The following XRN1 variants were observed in gnomAD, a reference collection of about 807,000 sequenced individuals.
XRN1 encodes the protein 5'-3' exoribonuclease 1.
Under a neutral mutation model 222.3 loss-of-function variants are expected in XRN1, and 67 were observed. The observed-to-expected ratio is 0.30, with a 90% confidence interval of 0.25 to 0.37. XRN1 has a LOEUF of 0.37. Among genes scored for constraint, XRN1 ranks in the 10% least tolerant of loss-of-function variants. XRN1 has a pLI of 1.00. For missense variants in XRN1, 1,707 were observed against 2,000.2 expected, an observed-to-expected ratio of 0.85 and a Z score of 2.80; for synonymous variants, 643 against 652.4, an observed-to-expected ratio of 0.99 and a Z score of 0.22.
intron 1 of XRN1, among the ~76,000 whole-genome samples, chr3:142,442,875 G>A (rs369007380): frequency 6.6e-6 from 1 of 151,448 alleles, no homozygotes; most frequent in Non-Finnish European, 1.5e-5. Flanking sequence ...CTGGGACTAC[G>A]GGCGCCCAAC....
Position 142,448,000 on chromosome 3 carries a change from GGGGCTC to G in XRN1, c.-62_-57del, listed in dbSNP as rs2108233777. The stretch of plus-strand genomic sequence containing the variant: ...CCAAACCGAAACCAAACGCCCCGCC[GGGGCTC>G]CGCCGCAGCCTCCGGTCGTCGCTCC... On this transcript the variant is annotated 5_prime_UTR_variant, in exon 1 of 41. Coordinates refer to ENST00000392981, the MANE Select transcript of XRN1 (RefSeq NM_001282857.2). This position sits in a 1 kb window ranked among gnomAD's most constrained non-coding sequence, Gnocchi z 4.2. 1 of 1,581,692 alleles carries G rather than the reference GGGGCTC, an allele frequency of 6.3e-7. No individual in the cohort carries two copies. The highest frequency in any genetic ancestry group is 1.4e-5 in the African/African-American group (1 of 73,922).
chr3:142,383,219 A>T, intron 22 of XRN1, 81 bp downstream of exon 22: 1 of 1,084,970 alleles, frequency 9.2e-7, no homozygotes, highest in Non-Finnish European at 1.4e-6. Flanking sequence ...ATTATATTTT[A>T]ATTTAAACCT....
Position 142,332,882 on chromosome 3 carries a change from G to C in XRN1, c.4062+85C>G, listed in dbSNP as rs988513829. 5.9e-6 allele frequency: 9 copies of C among 1,520,362 alleles called. No individual in the cohort carries two copies. In the African/African-American group the frequency reaches 1.3e-4, roughly 21 times the overall value. The allele number at this position is 1,520,362 out of a possible 1,614,324, so 94.2% of individuals were successfully genotyped here. A position where few individuals can be genotyped will look rare whatever the true frequency, so the allele number is the denominator to read the frequency against. ...TAACATACCAGCCTCCATGATGGAA[G>C]TGTTTGAACACTTGCATGGGATATG... is the stretch of plus-strand genomic sequence containing the variant. On this transcript the variant is annotated intron_variant, in intron 35 of 40. Coordinates refer to ENST00000392981, the MANE Select transcript of XRN1 (RefSeq NM_001282857.2).
Position 142,321,760 on chromosome 3 carries a change from TC to T in XRN1, c.4405-2858del, listed in dbSNP as rs1464666100. On this transcript the variant is annotated intron_variant, in intron 37 of 40. Coordinates refer to ENST00000392981, the MANE Select transcript of XRN1 (RefSeq NM_001282857.2). Reference sequence around the variant, plus strand: ...TGATACTATCATAGTTTTCTTAATTTCCTTTTCAGATTTTTCACTGTTAGTG... The same window carrying T: ...TGATACTATCATAGTTTTCTTAATTTCTTTTCAGATTTTTCACTGTTAGTG... Among the ~76,000 whole-genome samples the T allele has an allele frequency of 2.0e-5, 3 of 152,352 alleles. No homozygotes were observed. In the East Asian group the frequency reaches 5.8e-4, roughly 29 times the overall value.
At chr3:142,402,824 A>G (rs960007886) in intron 18 of XRN1, among the ~76,000 whole-genome samples, 3 of 151,802 alleles carry the variant, frequency 2.0e-5, no homozygotes, top group Non-Finnish European at 2.9e-5. Context: ...ATTAGCCTGG[A>G]TATCTCAGTC....
At chr3:142,436,878 A>G (rs2069936513) in intron 1 of XRN1, among the ~76,000 whole-genome samples, 1 of 152,200 alleles carries the variant, frequency 6.6e-6, no homozygotes. Flanking sequence ...GGGGTCAACC[A>G]TGGATGATGA....
At chr3:142,364,962 TG>T in intron 29 of XRN1, 84 bp downstream of exon 29, 1 of 1,378,588 alleles carries the variant, frequency 7.3e-7, no homozygotes, top group Non-Finnish European at 9.7e-7. Context: ...AGTCACTTTC[TG>T]GTTAGATATA....
At chr3:142,364,300 C>T (rs1000042089) in intron 29 of XRN1, among the ~76,000 whole-genome samples, 6 of 152,330 alleles carry the variant, frequency 3.9e-5, no homozygotes, top group African/African-American at 9.6e-5. Context: ...TGCCAGCACA[C>T]TGACTCCTGG....
chr3:142,358,583 C>A (rs2066528615), intron 30 of XRN1, among the ~76,000 whole-genome samples: 1 of 151,964 alleles, frequency 6.6e-6, no homozygotes, highest in Non-Finnish European at 1.5e-5. Context: ...AATTCACTGT[C>A]CCTTACTAGG....
intron 23 of XRN1, among the ~76,000 whole-genome samples, chr3:142,376,866 G>GA (rs776587198): frequency 1.3e-5 from 2 of 152,046 alleles, no homozygotes; most frequent in Non-Finnish European, 2.9e-5. Flanking sequence ...ACTGTCTTAA[G>GA]AAATAAACTC....
intron 40 of XRN1, among the ~76,000 whole-genome samples, chr3:142,312,277 T>C (rs940971940): frequency 1.3e-5 from 2 of 151,968 alleles, no homozygotes; most frequent in African/African-American, 4.8e-5. Flanking sequence ...GAGATCCTTC[T>C]CCAAAAAAAT....
intron 2 of XRN1, among the ~76,000 whole-genome samples, 156 bp downstream of exon 2, chr3:142,432,505 C>T (rs1195362493): frequency 1.3e-5 from 2 of 151,494 alleles, no homozygotes; most frequent in African/African-American, 4.9e-5. Context: ...ACTCATTACT[C>T]GACTGGTAAA....
chr3:142,325,022 C>T (rs1213926213), intron 37 of XRN1, among the ~76,000 whole-genome samples: 1 of 152,120 alleles, frequency 6.6e-6, no homozygotes, highest in East Asian at 1.9e-4. Context: ...CTGCAATAAA[C>T]ATGAGAGGAC....
chr3:142,435,755 C>A (rs1216713249), intron 1 of XRN1, among the ~76,000 whole-genome samples: 1 of 130,814 alleles, frequency 7.6e-6, no homozygotes, highest in Non-Finnish European at 1.6e-5. Flanking sequence ...AAACTGTCCC[C>A]ACCCCCCAAA....
intron 29 of XRN1, among the ~76,000 whole-genome samples, chr3:142,362,646 T>C (rs2066681833): frequency 6.9e-6 from 1 of 144,992 alleles, no homozygotes; most frequent in Admixed American, 6.9e-5. Context: ...TCTTTTCTTT[T>C]TCCTTCCCTC....
chr3:142,388,117 A>C (rs533315411), intron 20 of XRN1, among the ~76,000 whole-genome samples: 1 of 152,282 alleles, frequency 6.6e-6, no homozygotes, highest in East Asian at 1.9e-4. Context: ...ACACTTGAAA[A>C]ACACAGGTTT....
At chr3:142,439,959 A>T (rs1300365077) in intron 1 of XRN1, among the ~76,000 whole-genome samples, 2 of 152,212 alleles carry the variant, frequency 1.3e-5, no homozygotes, top group Non-Finnish European at 2.9e-5. Context: ...TGGAAGGCCC[A>T]CTACCTCAGG....
At chr3:142,353,227 T>TA (rs942799256) in intron 32 of XRN1, among the ~76,000 whole-genome samples, 24 of 152,218 alleles carry the variant, frequency 1.6e-4, no homozygotes, top group South Asian at 6.2e-4. Flanking sequence ...CGTAAATAAC[T>TA]AAAAAAACCC....
chr3:142,430,967 C>T (rs2069495130), intron 2 of XRN1, among the ~76,000 whole-genome samples: 1 of 152,228 alleles, frequency 6.6e-6, no homozygotes, highest in African/African-American at 2.4e-5. Flanking sequence ...TAGCTCACTT[C>T]TCACAGTCCA....
Sources: allele counts gnomAD v4.1 joint callset (sites outside exome capture counted in the v4.1 genomes callset), GRCh38; gene constraint gnomAD v4.1.1; non-coding constraint Gnocchi (gnomAD v3.1); transcripts MANE v1.5; gene names NCBI Gene and HGNC (gene_info 2026-07-23, HGNC 2026-07-21).